Variants in ARMH4 observed in about 807,000 individuals in gnomAD.
ARMH4 encodes armadillo-like helical domain-containing protein 4.
Under a neutral mutation model 61.9 loss-of-function variants are expected in ARMH4, and 49 were observed. The observed-to-expected ratio is 0.79, with a 90% CI of 0.63 to 1.00. ARMH4 has a LOEUF of 1.00. Ranked by LOEUF, ARMH4 falls within the 50% of genes least tolerant of loss-of-function variation. ARMH4 has a pLI of 0.00. For missense variants in ARMH4, 934 were observed against 930.0 expected, an observed-to-expected ratio of 1.00 and a Z score of -0.06; for synonymous variants, 368 against 341.5, an observed-to-expected ratio of 1.08 and a Z score of -0.85.
intron 5 of ARMH4, among the ~76,000 whole-genome samples, chr14:58,030,220 C>A (rs1236230856): frequency 6.6e-6 from 1 of 152,198 alleles, no homozygotes; most frequent in African/African-American, 2.4e-5. Flanking sequence ...TTCACCCATA[C>A]TTCACCCATC....
Position 58,131,679 on chromosome 14 carries a change from G to T in ARMH4, c.1664C>A (p.Pro555Gln), listed in dbSNP as rs746306058. ...TVTGPNEEFT[P>Q]VLGSPVTPPG... ...AGGTGTCACTGGAGATCCCAGAACT[G>T]GTGTGAACTCCTCATTTGGCCCTGT... Residue 555 changes from proline to glutamine, a missense_variant, in exon 4 of 8, where the codon CCA (proline) becomes CAA (glutamine). Physicochemically the swap from Pro to Gln is moderately conservative, Grantham distance 76 (BLOSUM62 -1). Coordinates refer to ENST00000267485, the MANE Select transcript of ARMH4 (RefSeq NM_001001872.4). 2.5e-6 allele frequency: 4 copies of T among 1,613,612 alleles called. No homozygotes were observed. In the Middle Eastern group the frequency reaches 5.3e-4, roughly 213 times the overall value.
chr14:58,084,766 T>A (rs1811919718), intron 5 of ARMH4, among the ~76,000 whole-genome samples: 1 of 152,202 alleles, frequency 6.6e-6, no homozygotes, highest in Non-Finnish European at 1.5e-5. Context: ...GTTTGTAAAG[T>A]TTATTTTGAA....
At chr14:58,040,459 G>A (rs1467577173) in intron 5 of ARMH4, among the ~76,000 whole-genome samples, 2 of 152,108 alleles carry the variant, frequency 1.3e-5, no homozygotes, top group Non-Finnish European at 2.9e-5. Context: ...ATAATGGCCT[G>A]CAACTCCATC....
At chr14:58,069,329 A>G (rs1238697597) in intron 5 of ARMH4, among the ~76,000 whole-genome samples, 1 of 152,230 alleles carries the variant, frequency 6.6e-6, no homozygotes, top group Non-Finnish European at 1.5e-5. Flanking sequence ...GATAGATCAT[A>G]GGCAATACAA....
intron 6 of ARMH4, 48 bp from the exon 7 acceptor site, chr14:58,005,230 G>C (rs368232264): frequency 5.2e-5 from 84 of 1,608,702 alleles, no homozygotes; most frequent in Non-Finnish European, 7.0e-5. Context: ...AGAGCGCGCC[G>C]CCCTGGGTTT....
At position 58,001,847 on chromosome 14, in the gene ARMH4, G is replaced by C. The variant is rs960469473; in HGVS notation, c.*2889C>G. The C allele has an allele frequency of 2.6e-5, 4 of 152,082 alleles. No individual in the cohort carries two copies. Among genetic ancestry groups the C allele is most frequent in the African/African-American group, 9.7e-5 (4 of 41,382 alleles). 9.4% of individuals were successfully genotyped at this position (152,082 alleles called of 1,614,324 possible). A position where few individuals can be genotyped will look rare whatever the true frequency, so the allele number is the denominator to read the frequency against. On this transcript the variant is annotated 3_prime_UTR_variant, in exon 8 of 8. Coordinates refer to ENST00000267485, the MANE Select transcript of ARMH4 (RefSeq NM_001001872.4). ...TTCTGGAAACACTGCCTCTCCCTCCGAGAAGAAGACCTAGTTCCTGCCCCT... is the reference window on the plus strand; with the variant it reads ...TTCTGGAAACACTGCCTCTCCCTCCCAGAAGAAGACCTAGTTCCTGCCCCT...
At chr14:58,076,078 G>A (rs1885035983) in intron 5 of ARMH4, among the ~76,000 whole-genome samples, 1 of 138,756 alleles carries the variant, frequency 7.2e-6, no homozygotes, top group Admixed American at 7.3e-5. Flanking sequence ...GAAAGGAGGA[G>A]AAAGAGGAGG....
chr14:58,042,996 A>T (rs538704205), intron 5 of ARMH4, among the ~76,000 whole-genome samples: 62 of 152,270 alleles, frequency 4.1e-4, no homozygotes, highest in African/African-American at 1.2e-3. Context: ...CAGGACCAGA[A>T]GGATTCACAG....
At chr14:58,066,026 C>T (rs1884689744) in intron 5 of ARMH4, among the ~76,000 whole-genome samples, 1 of 152,224 alleles carries the variant, frequency 6.6e-6, no homozygotes, top group Admixed American at 6.5e-5. Flanking sequence ...TTCCTTAAAG[C>T]TGAGATCCTG....
At chr14:58,084,085 G>T (rs371537370) in intron 5 of ARMH4, among the ~76,000 whole-genome samples, 1 of 152,178 alleles carries the variant, frequency 6.6e-6, no homozygotes, top group African/African-American at 2.4e-5. Flanking sequence ...TAAGAGAAGA[G>T]TGAAGCCTCT....
At chr14:58,126,175 A>G (rs1262015368) in intron 4 of ARMH4, among the ~76,000 whole-genome samples, 4 of 152,092 alleles carry the variant, frequency 2.6e-5, no homozygotes, top group African/African-American at 9.7e-5. Flanking sequence ...TAAAAACTTC[A>G]CCCTAATGCT....
chr14:58,117,004 T>C (rs1268666718), intron 4 of ARMH4, among the ~76,000 whole-genome samples: 4 of 152,120 alleles, frequency 2.6e-5, no homozygotes, highest in Non-Finnish European at 4.4e-5. Flanking sequence ...CAGGCTGGAG[T>C]ACAGCAGCAC....
rs1463256492 is a variant in ARMH4, at chr14:58,132,954, A to AAGGT, written c.1621+132_1621+135dup. On this transcript the variant is annotated intron_variant, in intron 3 of 7. Transcript: ENST00000267485. ...CAGAGCTCACACCCCTTTCCAGGTAAAGGTGTGTGTGTGTGTGTACGTGCA... is the reference window on the plus strand; with the variant it reads ...CAGAGCTCACACCCCTTTCCAGGTAAAGGTAGGTGTGTGTGTGTGTGTACGTGCA... The AAGGT allele has an allele frequency of 1.0e-5, 9 of 870,802 alleles. No individual in the cohort carries two copies. The Admixed American group carries it at 2.1e-4, about 21-fold the overall frequency. 53.9% of individuals were successfully genotyped at this position (870,802 alleles called of 1,614,324 possible). A position where few individuals can be genotyped will look rare whatever the true frequency, so the allele number is the denominator to read the frequency against.
At chr14:58,071,894 G>A (rs539755656) in intron 5 of ARMH4, among the ~76,000 whole-genome samples, 4 of 152,346 alleles carry the variant, frequency 2.6e-5, no homozygotes, top group East Asian at 1.9e-4. Context: ...GAACCTGTGC[G>A]AATGTCGGAT....
At chr14:58,097,122 T>C in intron 4 of ARMH4, 141 bp from the exon 5 acceptor site, 1 of 935,168 alleles carries the variant, frequency 1.1e-6, no homozygotes, top group Non-Finnish European at 1.7e-6. Context: ...AGTCAGACAA[T>C]GTGAACTTTG....
intron 4 of ARMH4, among the ~76,000 whole-genome samples, chr14:58,112,982 CT>C (rs1175049016): frequency 6.6e-6 from 1 of 152,032 alleles, no homozygotes; most frequent in South Asian, 2.1e-4. Flanking sequence ...TTATTTTTAA[CT>C]TTTTTTATTG....
At chr14:58,011,680 T>A (rs1230788307) in intron 6 of ARMH4, among the ~76,000 whole-genome samples, 2 of 151,770 alleles carry the variant, frequency 1.3e-5, no homozygotes, top group African/African-American at 4.8e-5. Flanking sequence ...TTATCTGTAG[T>A]TGGCCATTCC....
intron 1 of ARMH4, among the ~76,000 whole-genome samples, chr14:58,140,566 A>C (rs12881190): frequency 0.6 from 91,144 of 151,358 alleles, 28,027 homozygotes; most frequent in Middle Eastern, 0.7. Flanking sequence ...GGACAGGAGA[A>C]TCCGTCTCAA....
chr14:58,138,042 A>G lies in ARMH4; in HGVS notation c.1317T>C (p.Ser439=). 1 of 1,614,262 alleles carries G rather than the reference A, an allele frequency of 6.2e-7. No individual in the cohort carries two copies. Among genetic ancestry groups the G allele is most frequent in the Non-Finnish European group, 8.5e-7 (1 of 1,180,042 alleles). ...CTGCCTCAGACTCATATACAGAGAC[A>G]GAAACAGTGGTTTCTAAGAAAAACA... ...DALFFLETTV[S]VSVYESEADQ... is the part of the protein sequence containing the mutation. The change falls in exon 2 of 8, where the codon TCT becomes TCC. Residue 439 remains serine, a synonymous_variant. Transcript: ENST00000267485.
Sources: gnomAD v4.1 joint callset for allele counts (sites outside exome capture counted in the v4.1 genomes callset) on GRCh38, gnomAD v4.1.1 for gene constraint, MANE v1.5 for transcripts, NCBI Gene and HGNC (gene_info 2026-07-23, HGNC 2026-07-21) for gene names.